The following CHST15 variants were observed in gnomAD, a reference collection of about 807,000 sequenced individuals.
CHST15 encodes B cell RAG associated protein (GALNAC4S-6ST).
A neutral mutation model predicts 53.6 loss-of-function variants in CHST15; 30 were observed. The observed-to-expected ratio is 0.56, with a 90% CI of 0.42 to 0.76. The LOEUF (loss-of-function observed/expected upper bound fraction) is 0.76, where lower values mean the gene tolerates loss of function less well. CHST15 is among the 30% of genes least tolerant of loss of function. The pLI is 0.00. For synonymous variants in CHST15, 296 were observed against 289.8 expected, an observed-to-expected ratio of 1.02 and a Z score of -0.22; for missense variants, 627 against 740.5, an observed-to-expected ratio of 0.85 and a Z score of 1.78.
At chr10:124,016,236 C>T (rs570570472) in intron 6 of CHST15, among the ~76,000 whole-genome samples, 4 of 152,146 alleles carry the variant, frequency 2.6e-5, no homozygotes, top group South Asian at 4.2e-4. Flanking sequence ...CACAGGAAGG[C>T]GGTGAATGAC....
At chr10:124,043,560 G>A (rs1043370796) in intron 3 of CHST15, among the ~76,000 whole-genome samples, 2 of 152,222 alleles carry the variant, frequency 1.3e-5, no homozygotes, top group African/African-American at 4.8e-5. Context: ...CAGGACTCTG[G>A]TTGACAATAG....
At chr10:124,078,311 G>A (rs1003505414) in intron 1 of CHST15, among the ~76,000 whole-genome samples, 2 of 152,242 alleles carry the variant, frequency 1.3e-5, no homozygotes, top group Non-Finnish European at 2.9e-5. Flanking sequence ...CTGCAGGAAT[G>A]TGGGCAGGGT....
Position 124,044,688 on chromosome 10 carries a change from C to T in CHST15, c.778G>A (p.Gly260Arg). 1 of 1,613,784 alleles carries T rather than the reference C, an allele frequency of 6.2e-7. No individual in the cohort carries two copies. Among genetic ancestry groups the T allele is most frequent in the Non-Finnish European group, 8.5e-7 (1 of 1,179,872 alleles). Residue 260 changes from glycine to arginine, a missense_variant, in exon 3 of 8, where the codon GGG becomes AGG. Physicochemically the swap from Gly to Arg is moderately radical, Grantham distance 125 (BLOSUM62 -2). Transcript: ENST00000435907. The stretch of plus-strand genomic sequence containing the variant: ...TCTGTGGTCCCGCACTTGGGCTGCC[C>T]TATGATGTAGAAGTGCGGCAGGCAG... ...LRCLPHFYII[G>R]QPKCGTTDLY...
intron 4 of CHST15, among the ~76,000 whole-genome samples, chr10:124,039,492 G>A (rs1332787694): frequency 3.3e-5 from 5 of 152,262 alleles, no homozygotes; most frequent in Admixed American, 6.5e-5. Flanking sequence ...AAAAGAGAGA[G>A]GGGCTTTGCC....
intron 1 of CHST15, among the ~76,000 whole-genome samples, chr10:124,087,771 A>G (rs1056837491): frequency 6.8e-6 from 1 of 146,510 alleles, no homozygotes; most frequent in African/African-American, 2.5e-5. Flanking sequence ...GAGATGTAAC[A>G]TTCACAAGCG....
At chr10:124,042,212 G>A in intron 4 of CHST15, 89 bp downstream of exon 4, 2 of 1,355,142 alleles carry the variant, frequency 1.5e-6, no homozygotes, top group South Asian at 1.4e-5. Context: ...AAATGTTCTG[G>A]AGGTGAAGCA....
chr10:124,052,253 A>G (rs1948225134), intron 1 of CHST15, among the ~76,000 whole-genome samples: 1 of 152,234 alleles, frequency 6.6e-6, no homozygotes, highest in Non-Finnish European at 1.5e-5. Flanking sequence ...TGTAGCTCTA[A>G]GATAGAAGGT....
chr10:124,045,997 C>CA lies in CHST15; in HGVS notation c.215dup (p.Leu72PhefsTer10). On this transcript the variant is annotated frameshift_variant, in exon 2 of 8. Coordinates refer to ENST00000435907, the MANE Select transcript of CHST15 (RefSeq NM_001270764.2). LOFTEE classifies it high-confidence loss of function. The stretch of plus-strand genomic sequence containing the variant: ...TACATCGCTTCCCCTTTTTGAAGCG[C>CA]AAAAACCCACCCCAGTTTTCGTTCC... The CA allele has an allele frequency of 6.2e-7, 1 of 1,614,126 alleles. No homozygotes were observed. Among genetic ancestry groups the CA allele is most frequent in the Non-Finnish European group, 8.5e-7 (1 of 1,180,014 alleles).
At chr10:124,056,837 G>A (rs944780133) in intron 1 of CHST15, among the ~76,000 whole-genome samples, 9 of 151,948 alleles carry the variant, frequency 5.9e-5, no homozygotes, top group Non-Finnish European at 1.0e-4. Context: ...CTATACGACC[G>A]GACACACTTT....
At chr10:124,011,574 C>T in intron 7 of CHST15, 1 of 985,448 alleles carries the variant, frequency 1.0e-6, no homozygotes, top group Non-Finnish European at 1.2e-6. Context: ...CTTGTTCGAG[C>T]CTGCTCAGCC....
At position 124,091,552 on chromosome 10, in the gene CHST15, G is replaced by C. The variant is rs571489055; in HGVS notation, c.-513+1917C>G. Among the ~76,000 whole-genome samples, 306 of 152,322 alleles carry C rather than the reference G, an allele frequency of 2.0e-3. 1 individual carries two copies. The highest frequency in any genetic ancestry group is 6.8e-3 in the African/African-American group (281 of 41,584). On this transcript the variant is annotated intron_variant, in intron 1 of 7. Transcript: ENST00000435907. The stretch of plus-strand genomic sequence containing the variant: ...ACTCAGGAATTGCAGCTGATAAAGA[G>C]GGGCTGGGGGCACTGCTAGGGCGCC...
intron 5 of CHST15, among the ~76,000 whole-genome samples, chr10:124,023,358 T>C (rs374282867): frequency 1.3e-5 from 2 of 151,786 alleles, no homozygotes; most frequent in African/African-American, 4.8e-5. Context: ...TGGTGGTGCG[T>C]GCCTGTAGTC....
At chr10:124,027,308 A>G (rs1383921864) in intron 5 of CHST15, among the ~76,000 whole-genome samples, 1 of 152,130 alleles carries the variant, frequency 6.6e-6, no homozygotes, top group East Asian at 1.9e-4. Flanking sequence ...GGCTCCATCA[A>G]TCCAGTGCCT....
chr10:124,012,480 C>A lies in CHST15; in HGVS notation c.1348G>T (p.Val450Leu). Residue 450 changes from valine (V) to leucine (L), a missense_variant and splice_region_variant, in exon 7 of 8, where the codon GTG becomes TTG. By Grantham distance (32) the Val-to-Leu change is conservative. This residue lies in a region of CHST15 where 279 missense variants were observed against 371.6 expected (regional missense o/e 0.75). Coordinates refer to ENST00000435907, the MANE Select transcript of CHST15 (RefSeq NM_001270764.2). ...YNNTLNNAMP[V>L]RLQVGLYAVY... Reference sequence around the variant, plus strand: ...GCATAGAGCCCAACCTGGAGCCTCACCTAGGACCACAGAAGAAGGGCATTA... The same window carrying A: ...GCATAGAGCCCAACCTGGAGCCTCAACTAGGACCACAGAAGAAGGGCATTA... The A allele has an allele frequency of 6.2e-7, 1 of 1,609,740 alleles. No individual in the cohort carries two copies. The highest frequency in any genetic ancestry group is 8.5e-7 in the Non-Finnish European group (1 of 1,176,908).
chr10:124,040,980 T>C (rs1164841324), intron 4 of CHST15, among the ~76,000 whole-genome samples: 1 of 152,234 alleles, frequency 6.6e-6, no homozygotes, highest in African/African-American at 2.4e-5. Flanking sequence ...AACATGTGAT[T>C]TTCCCAGAGG....
Position 124,038,517 on chromosome 10 carries a change from C to G in CHST15, c.1188G>C (p.Glu396Asp). 1 of 1,614,156 alleles carries G rather than the reference C, an allele frequency of 6.2e-7. No individual in the cohort carries two copies. Residue 396 changes from glutamate (E) to aspartate (D), a missense_variant and splice_region_variant, in exon 5 of 8, where the codon GAG becomes GAC. Physicochemically the swap from Glu to Asp is conservative, Grantham distance 45. Around this residue, in one of 3 missense-constraint regions of CHST15, gnomAD observed 279 missense variants for 371.6 expected, o/e 0.75. Transcript: ENST00000435907. ...RLIVMLRDPV[E>D]RLYSDYLYFA... ...TACAACACACAGAAACTGCTCACCTCTCCACAGGGTCCCTGAGCATGACAA... is the reference window on the plus strand; with the variant it reads ...TACAACACACAGAAACTGCTCACCTGTCCACAGGGTCCCTGAGCATGACAA...
rs1056073085 is a variant in CHST15, at chr10:124,008,582, C to T, written c.*1567G>A. ...TCAGAGCCCTCTGCACACCTTCGAA[C>T]GGGCTGTGTGTCCCTTCTCTGATGG... On this transcript the variant is annotated 3_prime_UTR_variant, in exon 8 of 8. Coordinates refer to ENST00000435907, the MANE Select transcript of CHST15 (RefSeq NM_001270764.2). The T allele has an allele frequency of 5.9e-6, 6 of 1,014,632 alleles. No homozygotes were observed. In the African/African-American group the frequency reaches 6.9e-5, roughly 12 times the overall value. The allele number at this position is 1,014,632 out of a possible 1,614,324, so 62.9% of individuals were successfully genotyped here. A position where few individuals can be genotyped will look rare whatever the true frequency, so the allele number is the denominator to read the frequency against.
At chr10:124,052,263 T>C (rs1270865050) in intron 1 of CHST15, among the ~76,000 whole-genome samples, 1 of 152,160 alleles carries the variant, frequency 6.6e-6, no homozygotes, top group Non-Finnish European at 1.5e-5. Context: ...AGATAGAAGG[T>C]TGTTGCTGAG....
chr10:124,066,795 C>T (rs530831591), intron 1 of CHST15, among the ~76,000 whole-genome samples: 51 of 152,370 alleles, frequency 3.3e-4, no homozygotes, highest in Non-Finnish European at 6.2e-4. Flanking sequence ...TGGGCTCCAG[C>T]CCAGCCACAG....
Sources: gnomAD v4.1 joint callset for allele counts (sites outside exome capture counted in the v4.1 genomes callset) on GRCh38, gnomAD v4.1.1 for gene constraint, gnomAD v4.1.1 regional missense constraint, MANE v1.5 for transcripts, NCBI Gene and HGNC (gene_info 2026-07-23, HGNC 2026-07-21) for gene names.